CASC3: variants seen among roughly 807,000 people sequenced by gnomAD.
CASC3 encodes CASC3 exon junction complex subunit, also known as protein CASC3.
A neutral mutation model predicts 80.5 loss-of-function variants in CASC3; 30 were observed. That is an observed-to-expected ratio of 0.37 (90% CI 0.28 to 0.51). The LOEUF (loss-of-function observed/expected upper bound fraction) is 0.51, where lower values mean the gene tolerates loss of function less well. Ranked by LOEUF, CASC3 falls within the 20% of genes least tolerant of loss-of-function variation. The probability of loss-of-function intolerance (pLI) is 0.94; values close to 1 mark genes in which losing one functional copy is unlikely to be tolerated. For missense variants in CASC3, 824 were observed against 922.2 expected (o/e 0.89, Z 1.38); for synonymous variants, 312 against 333.6 (o/e 0.94, Z 0.70).
intron 3 of CASC3, among the ~76,000 whole-genome samples, chr17:40,144,533 C>T (rs1037601779): frequency 1.1e-4 from 16 of 150,748 alleles, no homozygotes; most frequent in Admixed American, 5.3e-4. Context: ...GTAGTAGAGA[C>T]GGGGTTTTAC....
intron 6 of CASC3, 106 bp from the exon 7 acceptor site, chr17:40,163,373 GAT>G: frequency 2.3e-6 from 2 of 867,828 alleles, no homozygotes; most frequent in South Asian, 3.4e-5. Context: ...GGCCTCAAGT[GAT>G]CTGCCCGTCT....
chr17:40,167,892 C>T lies in CASC3; in HGVS notation c.1694C>T (p.Ala565Val). Residue 565 changes from alanine (A) to valine (V), a missense_variant, in exon 10 of 14, where the codon GCC becomes GTC. Ala to Val is a moderately conservative substitution (Grantham distance 64). Coordinates refer to ENST00000264645, the MANE Select transcript of CASC3 (RefSeq NM_007359.5). The stretch of plus-strand genomic sequence containing the variant: ...ATCTATACCCATGGTGACAGCCCTG[C>T]CCCGCTGCCTCCACAGGGCATGCTT... ...GPIYTHGDSP[A>V]PLPPQGMLVQ... 6.2e-7 allele frequency: 1 copy of T among 1,614,174 alleles called. No homozygotes were observed. Among genetic ancestry groups the T allele is most frequent in the South Asian group, 1.1e-5 (1 of 91,076 alleles).
At chr17:40,150,413 TGC>T (rs929309531) in intron 3 of CASC3, among the ~76,000 whole-genome samples, 3 of 77,418 alleles carry the variant, frequency 3.9e-5, no homozygotes, top group East Asian at 5.8e-4. Flanking sequence ...TAAGAGTGTG[TGC>T]GTGTGTGTGT....
intron 10 of CASC3, 85 bp downstream of exon 10, chr17:40,168,033 G>A: frequency 2.1e-6 from 3 of 1,429,936 alleles, no homozygotes; most frequent in Non-Finnish European, 2.9e-6. Context: ...CCTGAGCTTT[G>A]TGCTGCTAGC....
At position 40,163,654 on chromosome 17, in the gene CASC3, A is replaced by C; in HGVS notation, c.959A>C (p.Lys320Thr). 6.2e-7 allele frequency: 1 copy of C among 1,614,158 alleles called. No individual in the cohort carries two copies. The highest frequency in any genetic ancestry group is 8.5e-7 in the Non-Finnish European group (1 of 1,180,034). ...PRNYSRSGGFKEGRAGFRPVE... is the reference protein window; with the variant it reads ...PRNYSRSGGFTEGRAGFRPVE... ...AATTATTCTCGATCTGGGGGCTTCA[A>C]GGAAGGTCGTGCTGGTTTTAGGCCT... The change falls in exon 7 of 14, where the codon AAG (lysine) becomes ACG (threonine). Residue 320 changes from lysine (K) to threonine (T), a missense_variant. By Grantham distance (78) the Lys-to-Thr change is moderately conservative. Around this residue, in one of 3 missense-constraint regions of CASC3, gnomAD observed 464 missense variants for 506.0 expected, o/e 0.92. Coordinates refer to ENST00000264645, the MANE Select transcript of CASC3 (RefSeq NM_007359.5).
At chr17:40,161,180 A>G (rs897473491) in intron 3 of CASC3, among the ~76,000 whole-genome samples, 2 of 151,996 alleles carry the variant, frequency 1.3e-5, no homozygotes, top group Admixed American at 6.6e-5. Flanking sequence ...GGGTTTTGCC[A>G]TGCTGGCCAG....
intron 3 of CASC3, among the ~76,000 whole-genome samples, chr17:40,155,709 A>G (rs776160329): frequency 5.9e-5 from 9 of 152,242 alleles, no homozygotes; most frequent in Non-Finnish European, 1.0e-4. Flanking sequence ...AATGAGCTAA[A>G]ACTTCTGTAT....
chr17:40,167,255 G>A (rs932960661), intron 8 of CASC3: 3 of 554,634 alleles, frequency 5.4e-6, no homozygotes, highest in South Asian at 2.3e-5. Flanking sequence ...CACCACGCCC[G>A]GCCAAGATAA....
At chr17:40,166,261 T>C (rs78473575) in intron 7 of CASC3, among the ~76,000 whole-genome samples, 3,403 of 152,310 alleles carry the variant, frequency 0.022, 144 homozygotes, top group African/African-American at 0.078. Context: ...AACTCCTCAA[T>C]TGGAGTTGCA....
chr17:40,155,318 G>A (rs1158183611), intron 3 of CASC3, among the ~76,000 whole-genome samples: 3 of 151,406 alleles, frequency 2.0e-5, no homozygotes, highest in East Asian at 1.9e-4. Context: ...GTGCAGTGTC[G>A]CTATCTTGGC....
At position 40,161,896 on chromosome 17, in the gene CASC3, A is replaced by C; in HGVS notation, c.441A>C (p.Gln147His). 6.2e-7 allele frequency: 1 copy of C among 1,614,194 alleles called. No individual in the cohort carries two copies. The highest frequency in any genetic ancestry group is 8.5e-7 in the Non-Finnish European group (1 of 1,180,042). Residue 147 changes from glutamine (Q) to histidine (H), a missense_variant, in exon 4 of 14, where the codon CAA (glutamine) becomes CAC (histidine). Coordinates refer to ENST00000264645, the MANE Select transcript of CASC3 (RefSeq NM_007359.5). Reference sequence around the variant, plus strand: ...AAAGCACTGTGACTGGAGAGAGGCAAAGTGGGGACGGACAGGTTAGTACAT... The same window carrying C: ...AAAGCACTGTGACTGGAGAGAGGCACAGTGGGGACGGACAGGTTAGTACAT... ...DTKSTVTGER[Q>H]SGDGQESTEP...
At chr17:40,143,240 G>A (rs1489224930) in intron 3 of CASC3, among the ~76,000 whole-genome samples, 2 of 151,942 alleles carry the variant, frequency 1.3e-5, no homozygotes, top group African/African-American at 2.4e-5. Context: ...GAGGCTAGGA[G>A]GTCAAGACCA....
At chr17:40,144,887 GT>G in intron 3 of CASC3, among the ~76,000 whole-genome samples, 1 of 147,666 alleles carries the variant, frequency 6.8e-6, no homozygotes, top group East Asian at 2.0e-4. Flanking sequence ...TTGAGATGGA[GT>G]ATTGCTCTGT....
rs773854174 is a variant in CASC3, at chr17:40,163,969, C to A, written c.1274C>A (p.Pro425His). The A allele has an allele frequency of 6.2e-7, 1 of 1,614,094 alleles. No homozygotes were observed. The highest frequency in any genetic ancestry group is 1.7e-5 in the Admixed American group (1 of 60,002). The part of the protein sequence containing the change: ...GDAVKLAEEV[P>H]PPPEGLIPAP... ...GCAGTCAAGCTTGCAGAGGAGGTGC[C>A]CCCTCCTCCTGAAGGACTGATTCCA... The change falls in exon 7 of 14, where the codon CCC becomes CAC. Residue 425 changes from proline to histidine, a missense_variant. This residue lies in a region of CASC3 where 464 missense variants were observed against 506.0 expected (regional missense o/e 0.92). Coordinates refer to ENST00000264645, the MANE Select transcript of CASC3 (RefSeq NM_007359.5).
chr17:40,163,014 A>T (rs1456425235), intron 6 of CASC3, 113 bp downstream of exon 6: 16 of 814,450 alleles, frequency 2.0e-5, no homozygotes, highest in Admixed American at 1.6e-4. Context: ...TGAGGCCAGG[A>T]GTTCAAGACC....
At position 40,170,971 on chromosome 17, in the gene CASC3, G is replaced by C; in HGVS notation, c.*566G>C. 1.0e-6 allele frequency: 1 copy of C among 985,278 alleles called. No homozygotes were observed. The highest frequency in any genetic ancestry group is 1.2e-6 in the Non-Finnish European group (1 of 829,920). The allele number at this position is 985,278 out of a possible 1,614,324, so 61.0% of individuals were successfully genotyped here. ...ATCCCAGATAATGGAGAATGTATCA[G>C]CCAGCCTTCCCCACCAAGTCTAAAA... On this transcript the variant is annotated 3_prime_UTR_variant, in exon 14 of 14. Transcript: ENST00000264645.
rs552110836 is a variant in CASC3 at position 40,146,080 on chromosome 17, T to C, written c.297+4473T>C. Among the ~76,000 whole-genome samples the C allele has an allele frequency of 2.6e-5, 4 of 152,224 alleles. 1 individual carries two copies. The highest frequency in any genetic ancestry group is 5.9e-5 in the Non-Finnish European group (4 of 68,030). On this transcript the variant is annotated intron_variant, in intron 3 of 13. Transcript: ENST00000264645. ...TAAAGAATATCCCAGGTTGATGCTA[T>C]GTACTGTAAAATTTGAGGATTCTTT...
At chr17:40,146,581 C>T (rs1054706172) in intron 3 of CASC3, among the ~76,000 whole-genome samples, 3 of 151,684 alleles carry the variant, frequency 2.0e-5, no homozygotes, top group Admixed American at 6.6e-5. Context: ...GGATTACAGG[C>T]GCACGCCACC....
intron 7 of CASC3, among the ~76,000 whole-genome samples, chr17:40,165,764 T>G (rs868578818): frequency 3.6e-5 from 5 of 139,020 alleles, no homozygotes; most frequent in African/African-American, 5.4e-5. Context: ...TTTTTTTTTG[T>G]TTTTTTTTTT....
Sources: gnomAD v4.1 joint callset for allele counts (sites outside exome capture counted in the v4.1 genomes callset) on GRCh38, gnomAD v4.1.1 for gene constraint, gnomAD v4.1.1 regional missense constraint, MANE v1.5 for transcripts, NCBI Gene and HGNC (gene_info 2026-07-23, HGNC 2026-07-21) for gene names.